The following KAZN variants were observed in gnomAD, a reference collection of about 807,000 sequenced individuals.
The protein encoded by KAZN is kazrin, periplakin interacting protein, also known as kazrin.
In KAZN, 40 loss-of-function variants were observed where a neutral mutation model predicts 87.4. The observed-to-expected ratio is 0.46, with a 90% CI of 0.36 to 0.60. The LOEUF (loss-of-function observed/expected upper bound fraction) is 0.60. Among genes scored for constraint, KAZN ranks in the 20% least tolerant of loss-of-function variants. The pLI is 0.00. For missense variants in KAZN, 898 were observed against 1,073.9 expected, an observed-to-expected ratio of 0.84 and a Z score of 2.29; for synonymous variants, 466 against 458.3, an observed-to-expected ratio of 1.02 and a Z score of -0.22.
intron 2 of KAZN, among the ~76,000 whole-genome samples, chr1:14,287,769 G>A (rs1653367534): frequency 6.6e-6 from 1 of 152,140 alleles, no homozygotes; most frequent in Admixed American, 6.5e-5. Flanking sequence ...GTTTTCAAAG[G>A]GAATGCTTCT....
intron 1 of KAZN, among the ~76,000 whole-genome samples, chr1:14,174,537 T>C (rs746711573): frequency 2.6e-5 from 4 of 152,228 alleles, no homozygotes; most frequent in Admixed American, 6.5e-5. Flanking sequence ...ATTTGAGCTA[T>C]GTTTAAAGCA....
In KAZN at chr1:14,796,106, C is replaced by T. The variant is rs1463465787; in HGVS notation, c.227-164578C>T. 2.0e-5 allele frequency among the ~76,000 whole-genome samples: 3 copies of T among 152,262 alleles called. No individual in the cohort carries two copies. In the South Asian group the frequency reaches 6.2e-4, roughly 32 times the overall value. ...GCCTCTCTTCCTTCTTGGACTTGGC[C>T]CCTCCAGTCGGACATGCTAGGTAAG... On this transcript the variant is annotated intron_variant, in intron 1 of 14. Coordinates refer to ENST00000376030, the MANE Select transcript of KAZN (RefSeq NM_201628.3).
chr1:13,951,509 G>C (rs1441243336), intron 1 of KAZN, among the ~76,000 whole-genome samples: 2 of 152,064 alleles, frequency 1.3e-5, no homozygotes, highest in Non-Finnish European at 2.9e-5. Flanking sequence ...ATTCTCAAAA[G>C]GGTTCTGGTT....
intron 2 of KAZN, among the ~76,000 whole-genome samples, chr1:14,981,026 C>G (rs900692935): frequency 6.6e-6 from 1 of 152,142 alleles, no homozygotes; most frequent in Admixed American, 6.5e-5. Context: ...AGTGGAGCAC[C>G]GTGCTCCTGG....
chr1:14,147,810 C>T (rs938065818), intron 1 of KAZN, among the ~76,000 whole-genome samples: 1 of 148,234 alleles, frequency 6.7e-6, no homozygotes, highest in African/African-American at 2.5e-5. Flanking sequence ...AAAAAAACAA[C>T]AAAAAAACTA....
At chr1:14,631,058 G>A (rs1679524813) in intron 1 of KAZN, among the ~76,000 whole-genome samples, 1 of 152,090 alleles carries the variant, frequency 6.6e-6, no homozygotes, top group Admixed American at 6.6e-5. Flanking sequence ...ATTTTTCCCT[G>A]ACTCTTAGGC....
At chr1:14,223,897 A>C (rs1251395539) in intron 2 of KAZN, among the ~76,000 whole-genome samples, 1 of 152,162 alleles carries the variant, frequency 6.6e-6, no homozygotes, top group Non-Finnish European at 1.5e-5. Context: ...TTGATGGGCA[A>C]AGGAGGTGAT....
intron 2 of KAZN, among the ~76,000 whole-genome samples, chr1:14,217,086 C>G (rs1275663982): frequency 1.3e-5 from 2 of 152,024 alleles, no homozygotes; most frequent in African/African-American, 4.8e-5. Context: ...GGACTATGCT[C>G]TTATAAAAGG....
Position 14,257,975 on chromosome 1 carries a change from GAAAA to G in KAZN, c.249+77392_249+77395del, listed in dbSNP as rs201805345. On this transcript the variant is annotated intron_variant, in intron 2 of 16. Coordinates refer to the KAZN transcript ENST00000636203. Reference sequence around the variant, plus strand: ...AAAAAACATTAAAAAAAAAAAAAGAGAAAAAAAAAAAAGAAAAGAAGGGGGAAGG... The same window carrying G: ...AAAAAACATTAAAAAAAAAAAAAGAGAAAAAAAAGAAAAGAAGGGGGAAGG... Among the ~76,000 whole-genome samples the G allele has an allele frequency of 6.0e-3, 528 of 87,960 alleles. 2 individuals are homozygous for G. The highest frequency in any genetic ancestry group is 0.021 in the African/African-American group (499 of 23,472). The allele number at this position is 87,960 out of a possible 152,430, so 57.7% of individuals were successfully genotyped here.
intron 2 of KAZN, among the ~76,000 whole-genome samples, chr1:14,258,390 A>ATTTTTTTTTTTT (rs760768355): frequency 2.0e-4 from 25 of 125,500 alleles, no homozygotes; most frequent in African/African-American, 6.4e-4. Flanking sequence ...TAAATTTTGT[A>ATTTTTTTTTTTT]TTTTTTTTTT....
intron 2 of KAZN, among the ~76,000 whole-genome samples, chr1:14,285,058 A>G (rs1357622478): frequency 6.6e-6 from 1 of 152,204 alleles, no homozygotes; most frequent in East Asian, 1.9e-4. Flanking sequence ...ATACTCAAGC[A>G]TGTGGTCTGG....
At chr1:14,467,365 A>G (rs1054405118) in intron 2 of KAZN, among the ~76,000 whole-genome samples, 1 of 151,912 alleles carries the variant, frequency 6.6e-6, no homozygotes, top group African/African-American at 2.4e-5. Context: ...TAAAATGGTA[A>G]GTAGAAAATA....
At chr1:14,957,945 G>C (rs12070687) in intron 1 of KAZN, among the ~76,000 whole-genome samples, 8,848 of 152,268 alleles carry the variant, frequency 0.058, 850 homozygotes, top group African/African-American at 0.2. Flanking sequence ...GCCCTGGGAG[G>C]CCTCCTCTCC....
chr1:14,900,011 C>T (rs942848716), intron 1 of KAZN, among the ~76,000 whole-genome samples: 2 of 152,212 alleles, frequency 1.3e-5, no homozygotes, highest in Non-Finnish European at 2.9e-5. Flanking sequence ...CCTGTGGCTG[C>T]TTTCAAAGCA....
intron 4 of KAZN, 98 bp downstream of exon 4, chr1:15,044,257 TG>T (rs998936216): frequency 9.9e-6 from 2 of 201,216 alleles, no homozygotes; most frequent in Admixed American, 1.4e-4. Context: ...AGACCTAGGG[TG>T]GGGTGGGTGG....
intron 2 of KAZN, among the ~76,000 whole-genome samples, chr1:14,574,583 C>G (rs1675066553): frequency 6.6e-6 from 1 of 152,168 alleles, no homozygotes. Context: ...ATTGTGAGGC[C>G]TCCCCAGCCC....
intron 13 of KAZN, among the ~76,000 whole-genome samples, chr1:15,105,451 A>G (rs1030064791): frequency 6.6e-6 from 1 of 152,176 alleles, no homozygotes; most frequent in Non-Finnish European, 1.5e-5. Context: ...GGTGGCATGC[A>G]GTTGATCATA....
chr1:13,916,802 G>C (rs1283868974), intron 1 of KAZN, among the ~76,000 whole-genome samples: 2 of 152,080 alleles, frequency 1.3e-5, no homozygotes, highest in African/African-American at 4.8e-5. Flanking sequence ...GAAGCCTCCT[G>C]TGGCTGGAGG....
chr1:14,835,528 C>G (rs1450678369), intron 1 of KAZN, among the ~76,000 whole-genome samples: 1 of 152,040 alleles, frequency 6.6e-6, no homozygotes, highest in Non-Finnish European at 1.5e-5. Flanking sequence ...GCACAACAGC[C>G]CCAGTAAAGT....
Sources: allele counts gnomAD v4.1 joint callset (sites outside exome capture counted in the v4.1 genomes callset), GRCh38; gene constraint gnomAD v4.1.1; transcripts MANE v1.5; gene names NCBI Gene and HGNC (gene_info 2026-07-23, HGNC 2026-07-21).